PTPRO: variants seen among roughly 807,000 people sequenced by gnomAD.
PTPRO encodes receptor-type tyrosine-protein phosphatase O.
PTPRO carries 62 observed loss-of-function variants against 145.2 expected under a neutral mutation model. The ratio of observed to expected loss-of-function variants is 0.43; its 90% confidence interval spans 0.35 to 0.53. PTPRO has a LOEUF of 0.53. PTPRO is among the 20% of genes least tolerant of loss of function. The probability of loss-of-function intolerance (pLI) is 0.01; values close to 1 mark genes in which losing one functional copy is unlikely to be tolerated. For missense variants in PTPRO, 1,345 were observed against 1,482.7 expected (o/e 0.91, Z 1.53); for synonymous variants, 565 against 514.7 (o/e 1.10, Z -1.32).
intron 1 of PTPRO, among the ~76,000 whole-genome samples, chr12:15,354,276 T>G (rs1937909051): frequency 1.3e-5 from 2 of 152,214 alleles, no homozygotes; most frequent in Non-Finnish European, 2.9e-5. Context: ...CATAAACTTT[T>G]TATAAAGCAT....
At chr12:15,396,780 C>G (rs1222562671) in intron 1 of PTPRO, among the ~76,000 whole-genome samples, 1 of 152,136 alleles carries the variant, frequency 6.6e-6, no homozygotes, top group Admixed American at 6.5e-5. Flanking sequence ...AGGCCATTTA[C>G]TCCTCTTAAT....
intron 1 of PTPRO, among the ~76,000 whole-genome samples, chr12:15,418,501 G>T (rs1371705505): frequency 6.6e-6 from 1 of 151,682 alleles, no homozygotes; most frequent in African/African-American, 2.4e-5. Context: ...ACCTAAAGAG[G>T]CTTCAGCAGA....
chr12:15,397,638 G>A (rs547120391), intron 1 of PTPRO, among the ~76,000 whole-genome samples: 2 of 152,290 alleles, frequency 1.3e-5, no homozygotes, highest in South Asian at 4.1e-4. Context: ...AAGGCATAGG[G>A]TTTGTGGCTT....
chr12:15,563,603 A>G (rs1299260140), intron 17 of PTPRO, among the ~76,000 whole-genome samples: 1 of 152,110 alleles, frequency 6.6e-6, no homozygotes, highest in Non-Finnish European at 1.5e-5. Context: ...CATACAAAAC[A>G]TGTAGTGGAA....
At position 15,538,513 on chromosome 12, in the gene PTPRO, G is replaced by T. The variant is rs968754249; in HGVS notation, c.2165-8056G>T. On this transcript the variant is annotated intron_variant, in intron 12 of 26. Transcript: ENST00000281171. ...GCTGGGATTACAGGCGTGAGCCACC[G>T]CGCCCGGCCCACTTTAGCACTTCTC... is the stretch of plus-strand genomic sequence containing the variant. Among the ~76,000 whole-genome samples, 2 of 152,252 alleles carry T rather than the reference G, an allele frequency of 1.3e-5. 1 individual carries two copies. The highest frequency in any genetic ancestry group is 3.9e-4 in the East Asian group (2 of 5,186).
At chr12:15,415,486 G>A (rs567073781) in intron 1 of PTPRO, among the ~76,000 whole-genome samples, 1,555 of 151,560 alleles carry the variant, frequency 0.01, 14 homozygotes, top group Non-Finnish European at 0.016. Context: ...CCAGGTTCAC[G>A]CCATTCTCCT....
intron 11 of PTPRO, 22 bp from the exon 12 acceptor site, chr12:15,526,120 C>T (rs1156714994): frequency 6.2e-7 from 1 of 1,613,718 alleles, no homozygotes; most frequent in Non-Finnish European, 8.5e-7. Flanking sequence ...AGTTTAAACC[C>T]TTGATTTTGA....
intron 1 of PTPRO, among the ~76,000 whole-genome samples, chr12:15,335,651 T>C (rs550385020): frequency 6.6e-6 from 1 of 152,290 alleles, no homozygotes; most frequent in East Asian, 1.9e-4. Context: ...CTAAATACTT[T>C]GGAATTCATT....
chr12:15,496,522 A>C (rs1464733565), intron 2 of PTPRO, among the ~76,000 whole-genome samples: 1 of 152,208 alleles, frequency 6.6e-6, no homozygotes, highest in African/African-American at 2.4e-5. Flanking sequence ...CATTATTTAC[A>C]AGAATTTTGC....
At chr12:15,584,967 G>A (rs1039580266) in intron 23 of PTPRO, among the ~76,000 whole-genome samples, 2 of 152,162 alleles carry the variant, frequency 1.3e-5, no homozygotes, top group African/African-American at 2.4e-5. Context: ...CATCAACTGA[G>A]TGAGAGCTGG....
In PTPRO at chr12:15,439,560, G is replaced by A. The variant is rs75824425; in HGVS notation, c.76-44414G>A. On this transcript the variant is annotated intron_variant, in intron 1 of 26. Coordinates refer to ENST00000281171, the MANE Select transcript of PTPRO (RefSeq NM_030667.3). Reference sequence around the variant, plus strand: ...TGACGCTGGTGGAGCGAGGGGGCCCGGAGGACTCGGGGGCCCTGGGATGGG... The same window carrying A: ...TGACGCTGGTGGAGCGAGGGGGCCCAGAGGACTCGGGGGCCCTGGGATGGG... 518 of 261,706 alleles carry A rather than the reference G, an allele frequency of 2.0e-3. 3 individuals carry two copies. The highest frequency in any genetic ancestry group is 0.011 in the African/African-American group (465 of 44,138). 16.2% of individuals were successfully genotyped at this position (261,706 alleles called of 1,614,324 possible).
intron 19 of PTPRO, among the ~76,000 whole-genome samples, chr12:15,575,364 A>T (rs540267038): frequency 1.5e-4 from 23 of 152,312 alleles, no homozygotes; most frequent in African/African-American, 5.1e-4. Context: ...CTCTGTGAGC[A>T]GGCTAGTTGG....
At chr12:15,509,372 CT>C (rs1435898889) in intron 7 of PTPRO, among the ~76,000 whole-genome samples, 2 of 95,860 alleles carry the variant, frequency 2.1e-5, no homozygotes, top group Non-Finnish European at 5.2e-5. Context: ...CGCATTCTTG[CT>C]GAAAAAAAAA....
chr12:15,465,272 A>G (rs1304490558), intron 1 of PTPRO, among the ~76,000 whole-genome samples: 1 of 152,244 alleles, frequency 6.6e-6, no homozygotes, highest in African/African-American at 2.4e-5. Context: ...CTGGCTGAAC[A>G]TATTACTCAT....
At chr12:15,554,416 A>G (rs188887394) in intron 15 of PTPRO, among the ~76,000 whole-genome samples, 63 of 141,274 alleles carry the variant, frequency 4.5e-4, no homozygotes, top group East Asian at 3.7e-3. Context: ...GTGTGTGTGT[A>G]TATATATATA....
At chr12:15,514,643 A>G (rs1322365889) in intron 7 of PTPRO, among the ~76,000 whole-genome samples, 2 of 151,976 alleles carry the variant, frequency 1.3e-5, no homozygotes, top group Non-Finnish European at 2.9e-5. Context: ...CAGTCCCAAC[A>G]CTGCATCTAA....
Position 15,566,713 on chromosome 12 carries a change from A to G in PTPRO, c.2747+1085A>G, listed in dbSNP as rs142319698. On this transcript the variant is annotated intron_variant, in intron 18 of 26. Transcript: ENST00000281171. The stretch of plus-strand genomic sequence containing the variant: ...TTTTTGTATTTTTAGTAGAGACGAA[A>G]TTTCACTATATTGGTCAGACTGGTC... Among the ~76,000 whole-genome samples the G allele has an allele frequency of 2.9e-3, 433 of 151,840 alleles. 1 individual carries two copies. Among genetic ancestry groups the G allele is most frequent in the Non-Finnish European group, 4.8e-3 (323 of 67,918 alleles).
intron 1 of PTPRO, among the ~76,000 whole-genome samples, chr12:15,429,783 A>T (rs1940383723): frequency 1.3e-5 from 2 of 152,170 alleles, no homozygotes; most frequent in Admixed American, 1.3e-4. Context: ...GTGTAAGAGG[A>T]GACTATGCTA....
chr12:15,469,876 G>A (rs1003953713), intron 1 of PTPRO, among the ~76,000 whole-genome samples: 4 of 152,000 alleles, frequency 2.6e-5, no homozygotes, highest in African/African-American at 7.2e-5. Flanking sequence ...TGTTTTTGGA[G>A]GATCTCCTAA....
Sources: allele counts gnomAD v4.1 joint callset (sites outside exome capture counted in the v4.1 genomes callset), GRCh38; gene constraint gnomAD v4.1.1; transcripts MANE v1.5; gene names NCBI Gene and HGNC (gene_info 2026-07-23, HGNC 2026-07-21).